PKHD1: variants seen among roughly 807,000 people sequenced by gnomAD.
PKHD1 encodes fibrocystin.
In PKHD1, 291 loss-of-function variants were observed where a neutral mutation model predicts 412.0. The ratio of observed to expected loss-of-function variants is 0.71; its 90% CI spans 0.64 to 0.78. PKHD1 has a LOEUF of 0.78. Among genes scored for constraint, PKHD1 ranks in the 30% least tolerant of loss-of-function variants. The pLI is 0.00. For synonymous variants in PKHD1, 1,777 were observed against 1,821.5 expected, an observed-to-expected ratio of 0.98 and a Z score of 0.62; for missense variants, 4,825 against 4,950.7, an observed-to-expected ratio of 0.97 and a Z score of 0.76.
At position 51,911,940 on chromosome 6, in the gene PKHD1, T is replaced by C. The variant is rs1282354012; in HGVS notation, c.6349A>G (p.Thr2117Ala). The C allele has an allele frequency of 1.2e-6, 2 of 1,610,906 alleles. No individual in the cohort carries two copies. The highest frequency in any genetic ancestry group is 1.7e-6 in the Non-Finnish European group (2 of 1,178,332). Residue 2117 changes from threonine (T) to alanine (A), a missense_variant, in exon 39 of 67, where the codon ACA (threonine) becomes GCA (alanine). By Grantham distance (58) the Thr-to-Ala change is moderately conservative (BLOSUM62 0). Transcript: ENST00000371117. ...KSPLRYSHNF[T>A]ENWVAGEHHI... ...TGCTCTCCAGCCACCCAATTCTCTG[T>C]AAAGTTGTGAGAATATCTGGAGAAA... is the stretch of plus-strand genomic sequence containing the variant.
chr6:51,694,606 G>T (rs1397686438), intron 60 of PKHD1, among the ~76,000 whole-genome samples: 1 of 132,920 alleles, frequency 7.5e-6, no homozygotes, highest in Non-Finnish European at 1.5e-5. Context: ...TGTCGGCCAG[G>T]CTGGTTTTGA....
At chr6:52,049,002 T>A (rs1279944509) in intron 22 of PKHD1, among the ~76,000 whole-genome samples, 1 of 152,242 alleles carries the variant, frequency 6.6e-6, no homozygotes, top group Non-Finnish European at 1.5e-5. Flanking sequence ...TGCACCTGCC[T>A]TTAATATGCC....
intron 64 of PKHD1, among the ~76,000 whole-genome samples, chr6:51,637,145 A>G (rs983326173): frequency 6.6e-5 from 10 of 152,222 alleles, no homozygotes; most frequent in Non-Finnish European, 1.3e-4. Context: ...AATAAACTTG[A>G]TAACGTATTT....
At chr6:52,070,221 A>C (rs1336737492) in intron 10 of PKHD1, among the ~76,000 whole-genome samples, 185 bp downstream of exon 10, 1 of 152,216 alleles carries the variant, frequency 6.6e-6, no homozygotes, top group Non-Finnish European at 1.5e-5. Flanking sequence ...AGATTAGTGA[A>C]GAGGACACAA....
chr6:51,691,701 T>C (rs571434534), intron 60 of PKHD1, among the ~76,000 whole-genome samples: 34 of 152,176 alleles, frequency 2.2e-4, no homozygotes, highest in African/African-American at 7.0e-4. Context: ...AAATAACCAA[T>C]GAGTACTAGG....
At chr6:52,049,849 A>G (rs940826031) in intron 22 of PKHD1, among the ~76,000 whole-genome samples, 10 of 152,226 alleles carry the variant, frequency 6.6e-5, no homozygotes, top group African/African-American at 2.4e-4. Context: ...CTATTTTTAA[A>G]CTAACTGACT....
rs1423424044 is a variant in PKHD1, at chr6:51,632,709, C to T, written c.11521G>A (p.Ala3841Thr). 3.1e-6 allele frequency: 5 copies of T among 1,613,164 alleles called. No homozygotes were observed. The highest frequency in any genetic ancestry group is 3.4e-6 in the Non-Finnish European group (4 of 1,179,454). Residue 3841 changes from alanine to threonine, a missense_variant, in exon 65 of 67, where the codon GCT (alanine) becomes ACT (threonine). Ala to Thr is a moderately conservative substitution (Grantham distance 58). Transcript: ENST00000371117. Reference sequence around the variant, plus strand: ...AAGACAGCAAATGGCTTGGATCGAGCTGTAAAATTGACTCCTGTGGCGGGG... The same window carrying T: ...AAGACAGCAAATGGCTTGGATCGAGTTGTAAAATTGACTCCTGTGGCGGGG... ...VTSPPGVNFT[A>T]RSKPFAVLPV...
At chr6:52,011,522 A>G (rs1233658771) in intron 34 of PKHD1, among the ~76,000 whole-genome samples, 1 of 152,186 alleles carries the variant, frequency 6.6e-6, no homozygotes, top group Non-Finnish European at 1.5e-5. Flanking sequence ...AGTGCTCTCA[A>G]GTTTTGAAAT....
At chr6:51,860,072 G>C (rs1228380254) in intron 48 of PKHD1, among the ~76,000 whole-genome samples, 10 of 152,194 alleles carry the variant, frequency 6.6e-5, no homozygotes, top group Non-Finnish European at 1.0e-4. Context: ...AGGTTTATTA[G>C]GGATGCAATT....
At position 51,619,141 on chromosome 6, in the gene PKHD1, C is replaced by T. The variant is rs757125119; in HGVS notation, c.12165G>A (p.Gly4055=). The T allele has an allele frequency of 1.9e-6, 3 of 1,614,126 alleles. No individual in the cohort carries two copies. The highest frequency in any genetic ancestry group is 1.7e-5 in the Admixed American group (1 of 60,010). Reference sequence around the variant, plus strand: ...AATGAAGGCAGAATGCCTCAGTGGCCCCGCAGGAGGCTTTCTTCTCTTGGG... The same window carrying T: ...AATGAAGGCAGAATGCCTCAGTGGCTCCGCAGGAGGCTTTCTTCTCTTGGG... ...GLSQEKKASC[G]ATEAFCLHSV... Residue 4055 remains glycine (G), a synonymous_variant, in exon 67 of 67, where the codon GGG becomes GGA. Transcript: ENST00000371117.
chr6:51,941,055 C>G (rs1043075925), intron 36 of PKHD1, among the ~76,000 whole-genome samples: 11 of 146,940 alleles, frequency 7.5e-5, no homozygotes, highest in African/African-American at 2.9e-4. Context: ...CCTCTTGTAT[C>G]CCCCCCCACC....
chr6:52,045,053 A>G lies in PKHD1; in HGVS notation c.2628T>C (p.Ala876=), dbSNP rs2128186591. The G allele has an allele frequency of 6.2e-7, 1 of 1,613,336 alleles. No individual in the cohort carries two copies. The highest frequency in any genetic ancestry group is 8.5e-7 in the Non-Finnish European group (1 of 1,179,276). ...SDENLTGVNP[A]AATRVVYDGG... The stretch of plus-strand genomic sequence containing the variant: ...CATCATATACCACACGCGTGGCTGC[A>G]GCAGGATTCACTCCAGTAAGGTTTT... The change falls in exon 25 of 67, where the codon GCT becomes GCC. Residue 876 remains alanine, a synonymous_variant. Coordinates refer to ENST00000371117, the MANE Select transcript of PKHD1 (RefSeq NM_138694.4).
Position 51,690,325 on chromosome 6 carries a change from G to A in PKHD1, c.10157-30356C>T, listed in dbSNP as rs899705449. On this transcript the variant is annotated intron_variant, in intron 60 of 66. Transcript: ENST00000371117. ...GAACTAGGGAAAATTATTTTTAAAT[G>A]TACATGGAACCAAAAAAGAGATCGA... 3.5e-5 allele frequency among the ~76,000 whole-genome samples: 5 copies of A among 141,590 alleles called. No individual in the cohort carries two copies. The East Asian group carries it at 8.5e-4, about 24-fold the overall frequency. The allele number at this position is 141,590 out of a possible 152,430, so 92.9% of individuals were successfully genotyped here.
intron 60 of PKHD1, among the ~76,000 whole-genome samples, chr6:51,731,839 G>A (rs567954175): frequency 6.6e-6 from 1 of 152,010 alleles, no homozygotes; most frequent in Non-Finnish European, 1.5e-5. Flanking sequence ...TTCAAATTAT[G>A]TATAATTTTA....
chr6:51,943,852 CT>C (rs1348224335), intron 36 of PKHD1, among the ~76,000 whole-genome samples: 3 of 151,662 alleles, frequency 2.0e-5, no homozygotes, highest in African/African-American at 7.2e-5. Context: ...CATGCCGCCC[CT>C]AATCCCGCTC....
rs138145144 is a variant in PKHD1 at position 51,837,246 on chromosome 6, T to C, written c.8108-777A>G. On this transcript the variant is annotated intron_variant, in intron 50 of 66. Transcript: ENST00000371117. ...ATTGGTTAATTACCTTTCTGCCTTA[T>C]TGTTTGTCACATGAGCCACACCTTC... 1.1e-3 allele frequency among the ~76,000 whole-genome samples: 164 copies of C among 152,306 alleles called. 2 individuals carry two copies. In the East Asian group the frequency reaches 0.027, roughly 25 times the overall value.
intron 34 of PKHD1, among the ~76,000 whole-genome samples, chr6:52,014,586 T>C (rs1800233369): frequency 6.7e-6 from 1 of 150,322 alleles, no homozygotes; most frequent in African/African-American, 2.5e-5. Context: ...GATGGATGGA[T>C]GAATGGATGG....
At chr6:51,913,265 A>G (rs1338534101) in intron 37 of PKHD1, among the ~76,000 whole-genome samples, 1 of 152,132 alleles carries the variant, frequency 6.6e-6, no homozygotes, top group Non-Finnish European at 1.5e-5. Flanking sequence ...TTGGTGTATT[A>G]AATGATCCCT....
intron 35 of PKHD1, among the ~76,000 whole-genome samples, chr6:51,962,990 A>G (rs367729879): frequency 4.6e-5 from 7 of 152,134 alleles, no homozygotes; most frequent in African/African-American, 1.7e-4. Context: ...GTAGTTGCTC[A>G]ATAAATGTTT....
Sources: gnomAD v4.1 joint callset for allele counts (sites outside exome capture counted in the v4.1 genomes callset) on GRCh38, gnomAD v4.1.1 for gene constraint, MANE v1.5 for transcripts, NCBI Gene and HGNC (gene_info 2026-07-23, HGNC 2026-07-21) for gene names.